KIAA1671: variants seen among roughly 807,000 people sequenced by gnomAD.
The protein encoded by KIAA1671 is KIAA1671.
KIAA1671 carries 52 observed loss-of-function variants against 131.2 expected under a neutral mutation model. The observed-to-expected ratio is 0.40, with a 90% CI of 0.32 to 0.50. The LOEUF (loss-of-function observed/expected upper bound fraction) is 0.50, where lower values mean the gene tolerates loss of function less well. Ranked by LOEUF, KIAA1671 falls within the 20% of genes least tolerant of loss-of-function variation. KIAA1671 has a pLI of 0.73. For missense variants in KIAA1671, 2,360 were observed against 2,364.2 expected (o/e 1.00, Z 0.04); for synonymous variants, 1,003 against 961.6 (o/e 1.04, Z -0.80).
intron 6 of KIAA1671, among the ~76,000 whole-genome samples, chr22:25,121,830 A>T (rs770361480): frequency 1.3e-5 from 2 of 152,216 alleles, no homozygotes; most frequent in Non-Finnish European, 2.9e-5. Flanking sequence ...TTTGCTTTTA[A>T]TGTGATTTCT....
intron 6 of KIAA1671, among the ~76,000 whole-genome samples, chr22:25,115,111 G>A (rs1223283635): frequency 6.6e-6 from 1 of 152,230 alleles, no homozygotes; most frequent in Non-Finnish European, 1.5e-5. Flanking sequence ...GGGGGAAAGA[G>A]GGAAAACAAA....
chr22:25,152,129 C>T (rs1042574838), intron 6 of KIAA1671, among the ~76,000 whole-genome samples: 4 of 152,156 alleles, frequency 2.6e-5, no homozygotes, highest in African/African-American at 9.7e-5. Context: ...CAGGTTACGC[C>T]CACTTTATTT....
At chr22:24,966,265 C>A (rs2123805849) in intron 1 of KIAA1671, among the ~76,000 whole-genome samples, 1 of 152,310 alleles carries the variant, frequency 6.6e-6, no homozygotes, top group Non-Finnish European at 1.5e-5. Context: ...GTCCTGTTTA[C>A]CGATGGCTTA....
At chr22:25,191,763 A>G (rs900696966) in intron 12 of KIAA1671, among the ~76,000 whole-genome samples, 5 of 152,208 alleles carry the variant, frequency 3.3e-5, no homozygotes, top group Admixed American at 2.6e-4. Context: ...TGATGAGCAC[A>G]AGAGACTCAC....
chr22:24,958,137 C>T (rs1220073092), intron 1 of KIAA1671, among the ~76,000 whole-genome samples: 1 of 152,022 alleles, frequency 6.6e-6, no homozygotes, highest in African/African-American at 2.4e-5. Flanking sequence ...AGCTGTCTGC[C>T]TCAAAGCCAT....
At chr22:25,107,447 A>C (rs1361951963) in intron 6 of KIAA1671, among the ~76,000 whole-genome samples, 1 of 139,254 alleles carries the variant, frequency 7.2e-6, no homozygotes, top group Non-Finnish European at 1.5e-5. Flanking sequence ...CTTTATAAAA[A>C]TGTAGCCATC....
intron 6 of KIAA1671, among the ~76,000 whole-genome samples, chr22:25,113,117 T>G (rs947624915): frequency 6.6e-6 from 1 of 152,124 alleles, no homozygotes; most frequent in Non-Finnish European, 1.5e-5. Flanking sequence ...TAGGCGACAG[T>G]GCAGAAACAA....
At position 25,049,364 on chromosome 22, in the gene KIAA1671, G is replaced by C; in HGVS notation, c.4530G>C (p.Val1510=). 6.5e-7 allele frequency: 1 copy of C among 1,549,344 alleles called. No individual in the cohort carries two copies. Among genetic ancestry groups the C allele is most frequent in the Non-Finnish European group, 8.7e-7 (1 of 1,145,048 alleles). Reference sequence around the variant, plus strand: ...AAGACAGGAGGAGTGGGCCCTTTGTGGTGAGTGATGCAACATGGCTGGAGA... The same window carrying C: ...AAGACAGGAGGAGTGGGCCCTTTGTCGTGAGTGATGCAACATGGCTGGAGA... ...FCKDRRSGPF[V]DQLKQCFSRQ... The change falls in exon 6 of 13, where the codon GTG becomes GTC. Residue 1510 remains valine (V), a splice_region_variant and synonymous_variant. Transcript: ENST00000358431.
intron 6 of KIAA1671, among the ~76,000 whole-genome samples, chr22:25,117,480 G>A (rs944814991): frequency 3.3e-5 from 5 of 152,018 alleles, no homozygotes; most frequent in African/African-American, 7.2e-5. Context: ...AGAGCTGAGC[G>A]TTCAGTCCTC....
chr22:25,053,450 CAG>C (rs1927654596), intron 6 of KIAA1671: 2 of 152,320 alleles, frequency 1.3e-5, no homozygotes, highest in Admixed American at 1.3e-4. Flanking sequence ...ACGATGAAGT[CAG>C]AGATTCATCA....
chr22:25,041,367 G>A lies in KIAA1671; in HGVS notation c.4237G>A (p.Gly1413Arg). ...LDIKRAYSEK[G>R]PPANIREGLS... Reference sequence around the variant, plus strand: ...TATCAAGAGGGCCTACTCAGAGAAGGGGCCCCCTGCCAACATCCGAGAGGG... The same window carrying A: ...TATCAAGAGGGCCTACTCAGAGAAGAGGCCCCCTGCCAACATCCGAGAGGG... The change falls in exon 5 of 13, where the codon GGG becomes AGG. Residue 1413 changes from glycine (G) to arginine (R), a missense_variant. By Grantham distance (125) the Gly-to-Arg change is moderately radical. Around this residue, in one of 3 missense-constraint regions of KIAA1671, gnomAD observed 1,161 missense variants for 1,204.7 expected, o/e 0.96. Transcript: ENST00000358431. 2 of 1,551,706 alleles carry A rather than the reference G, an allele frequency of 1.3e-6. No individual in the cohort carries two copies. The highest frequency in any genetic ancestry group is 4.9e-5 in the East Asian group (2 of 40,910).
intron 11 of KIAA1671, 117 bp downstream of exon 11, chr22:25,185,236 C>T: frequency 9.1e-7 from 1 of 1,098,778 alleles, no homozygotes; most frequent in Non-Finnish European, 1.3e-6. Flanking sequence ...TTTTAATTTT[C>T]TCTAGCAGCA....
At chr22:25,152,846 C>T (rs895082171) in intron 6 of KIAA1671, among the ~76,000 whole-genome samples, 28 of 152,210 alleles carry the variant, frequency 1.8e-4, no homozygotes, top group African/African-American at 5.8e-4. Context: ...CTCAGGTGAT[C>T]CACTCGCCTC....
intron 6 of KIAA1671, among the ~76,000 whole-genome samples, chr22:25,167,203 A>C (rs1265053790): frequency 6.6e-6 from 1 of 152,202 alleles, no homozygotes; most frequent in Non-Finnish European, 1.5e-5. Flanking sequence ...GCCTGAGTGC[A>C]TCCCTACAGC....
rs1461006887 is a variant in KIAA1671 at position 25,191,183 on chromosome 22, T to G, written c.*4+399T>G. ...TTTTTTTTGAGACAGAGTTTCGCCC[T>G]TGTCACCAAGGCTGGAGTGCAATGA... On this transcript the variant is annotated intron_variant, in intron 12 of 12. Transcript: ENST00000358431. 2.0e-5 allele frequency among the ~76,000 whole-genome samples: 3 copies of G among 147,972 alleles called. No homozygotes were observed. In the East Asian group the frequency reaches 5.9e-4, roughly 29 times the overall value.
In KIAA1671 at chr22:25,195,407, G is replaced by A. The variant is rs1177860372; in HGVS notation, c.*3006G>A. On this transcript the variant is annotated 3_prime_UTR_variant, in exon 13 of 13. Transcript: ENST00000358431. The stretch of plus-strand genomic sequence containing the variant: ...GAAACTCTGGTGAAAGAGAAACCTC[G>A]TGGTCTTTAGGATGTTGGGATTTTG... 1.3e-5 allele frequency: 2 copies of A among 152,182 alleles called. No homozygotes were observed. Among genetic ancestry groups the A allele is most frequent in the Admixed American group, 6.5e-5 (1 of 15,278 alleles). 9.4% of individuals were successfully genotyped at this position (152,182 alleles called of 1,614,324 possible).
rs1934290719 is a variant in KIAA1671 at position 25,181,913 on chromosome 22, C to T, written c.5199+90C>T. On this transcript the variant is annotated intron_variant, in intron 10 of 12. Coordinates refer to ENST00000358431, the MANE Select transcript of KIAA1671 (RefSeq NM_001145206.2). The stretch of plus-strand genomic sequence containing the variant: ...TAGATTCCGGCTGGGTGCAGTGGCT[C>T]ACGCCTGTAATCCCAGCACTTTGGG... 7.0e-6 allele frequency: 10 copies of T among 1,423,292 alleles called. No homozygotes were observed. The South Asian group carries it at 1.1e-4, about 15-fold the overall frequency. 88.2% of individuals were successfully genotyped at this position (1,423,292 alleles called of 1,614,324 possible). A position where few individuals can be genotyped will look rare whatever the true frequency, so the allele number is the denominator to read the frequency against.
chr22:25,063,485 CACTT>C (rs774630285), intron 6 of KIAA1671: 3 of 152,092 alleles, frequency 2.0e-5, no homozygotes, highest in Non-Finnish European at 4.4e-5. Context: ...TATATGTTCT[CACTT>C]ACAAGTGGGC....
chr22:25,060,372 AG>A (rs1321643901), intron 6 of KIAA1671: 1 of 152,094 alleles, frequency 6.6e-6, no homozygotes, highest in Non-Finnish European at 1.5e-5. Flanking sequence ...TAGTAGAGAC[AG>A]GGTTTCGCCA....
Sources: gnomAD v4.1 joint callset for allele counts (sites outside exome capture counted in the v4.1 genomes callset) on GRCh38, gnomAD v4.1.1 for gene constraint, gnomAD v4.1.1 regional missense constraint, MANE v1.5 for transcripts, NCBI Gene and HGNC (gene_info 2026-07-23, HGNC 2026-07-21) for gene names.